Variants in GRIA3 observed in about 807,000 individuals in gnomAD.
The protein encoded by GRIA3 is glutamate ionotropic receptor AMPA type subunit 3, also known as glutamate receptor 3.
A neutral mutation model predicts 63.0 loss-of-function variants in GRIA3; 3 were observed. The observed-to-expected ratio is 0.05, with a 90% CI of 0.02 to 0.12. The LOEUF is 0.12. GRIA3 is among the 10% of genes least tolerant of loss of function. GRIA3 has a pLI of 1.00. For synonymous variants in GRIA3, 274 were observed against 257.9 expected, an observed-to-expected ratio of 1.06 and a Z score of -0.60; for missense variants, 347 against 700.9, an observed-to-expected ratio of 0.50 and a Z score of 5.70.
chrX:123,305,042 A>C (rs2147317920), intron 3 of GRIA3, among the ~76,000 whole-genome samples: 1 of 111,421 alleles, frequency 9.0e-6, no homozygotes, highest in South Asian at 3.8e-4. Flanking sequence ...TGAAAGTTCT[A>C]TAATGTTAAA....
At chrX:123,468,197 C>T (rs1316075339) in intron 13 of GRIA3, among the ~76,000 whole-genome samples, 2 of 111,190 alleles carry the variant, frequency 1.8e-5, no homozygotes, top group Non-Finnish European at 3.8e-5. Flanking sequence ...TTGTCTTCTT[C>T]CTTCTTGCTA....
chrX:123,444,667 G>T (rs191996693), intron 12 of GRIA3, among the ~76,000 whole-genome samples: 33 of 111,033 alleles, frequency 3.0e-4, no homozygotes, highest in Non-Finnish European at 5.5e-4. Context: ...CCCTCCTTTA[G>T]TATCTTTACC....
intron 2 of GRIA3, among the ~76,000 whole-genome samples, chrX:123,224,058 C>T (rs903746206): frequency 2.7e-5 from 3 of 111,928 alleles, no homozygotes; most frequent in African/African-American, 9.7e-5. Context: ...ACAGCCAAGT[C>T]CTGTGGTTAG....
At chrX:123,481,640 A>G (rs949001281) in intron 14 of GRIA3, among the ~76,000 whole-genome samples, 1 of 112,238 alleles carries the variant, frequency 8.9e-6, no homozygotes, top group African/African-American at 3.2e-5. Flanking sequence ...ATTCCATTCA[A>G]TTACATTCAG....
At chrX:123,282,609 A>G (rs2044592847) in intron 3 of GRIA3, among the ~76,000 whole-genome samples, 1 of 112,732 alleles carries the variant, frequency 8.9e-6, no homozygotes, top group Admixed American at 9.4e-5. Flanking sequence ...GTCTTTATTA[A>G]TAACGAAAAT....
chrX:123,325,392 C>A (rs1320200837), intron 3 of GRIA3, among the ~76,000 whole-genome samples: 4 of 111,620 alleles, frequency 3.6e-5, no homozygotes, highest in Non-Finnish European at 7.5e-5. Context: ...AAAAAGGAAC[C>A]AGGAATTCCT....
chrX:123,210,460 A>G (rs1454068341), intron 2 of GRIA3, among the ~76,000 whole-genome samples: 1 of 110,755 alleles, frequency 9.0e-6, no homozygotes, highest in African/African-American at 3.3e-5. Flanking sequence ...CTGACACTTC[A>G]CTTTCTTGAT....
chrX:123,475,080 A>G (rs1259387421), intron 13 of GRIA3, among the ~76,000 whole-genome samples: 1 of 112,547 alleles, frequency 8.9e-6, no homozygotes, highest in African/African-American at 3.2e-5. Context: ...ACACTCAGGA[A>G]TCATCACTGA....
chrX:123,254,962 G>T (rs1316083894), intron 3 of GRIA3, among the ~76,000 whole-genome samples: 3 of 111,589 alleles, frequency 2.7e-5, no homozygotes, highest in African/African-American at 9.8e-5. Flanking sequence ...TATATTATCA[G>T]TTAATTAGTC....
At chrX:123,329,224 C>T (rs1437738859) in intron 4 of GRIA3, among the ~76,000 whole-genome samples, 1 of 111,929 alleles carries the variant, frequency 8.9e-6, no homozygotes, top group Non-Finnish European at 1.9e-5. Flanking sequence ...GAGCCTGTTA[C>T]ACCACTATAA....
rs181281714 is a variant in GRIA3 at position 123,330,984 on chromosome X, T to C, written c.696+4771T>C. Among the ~76,000 whole-genome samples, 4 of 112,327 alleles carry C rather than the reference T, an allele frequency of 3.6e-5. No homozygotes were observed. The Admixed American group carries it at 3.8e-4, about 11-fold the overall frequency. On this transcript the variant is annotated intron_variant, in intron 4 of 15. Transcript: ENST00000620443. ...GACTTATTTAATAAATAGTATTTTC[T>C]AATTTGTCTATTCATTATATATCTA... is the stretch of plus-strand genomic sequence containing the variant.
At chrX:123,202,687 A>G (rs745910187) in intron 2 of GRIA3, 15 of 1,164,843 alleles carry the variant, frequency 1.3e-5, no homozygotes, top group Non-Finnish European at 1.7e-5. Flanking sequence ...AGGGAAAACA[A>G]TTGGACAGCT....
At chrX:123,466,547 T>C (rs978941695) in intron 13 of GRIA3, among the ~76,000 whole-genome samples, 1 of 111,960 alleles carries the variant, frequency 8.9e-6, no homozygotes, top group Admixed American at 9.5e-5. Context: ...AAACCCATCT[T>C]ACTTGGCATT....
chrX:123,474,288 G>A (rs958227016), intron 13 of GRIA3, among the ~76,000 whole-genome samples: 1 of 112,112 alleles, frequency 8.9e-6, no homozygotes, highest in African/African-American at 3.2e-5. Flanking sequence ...GCTACTATTT[G>A]CTATTTACTA....
At chrX:123,319,719 G>T (rs2044855283) in intron 3 of GRIA3, among the ~76,000 whole-genome samples, 1 of 108,035 alleles carries the variant, frequency 9.3e-6, no homozygotes, top group Admixed American at 1.0e-4. Flanking sequence ...TCTTGCCTCT[G>T]TGTCTTTATT....
At chrX:123,486,482 G>C (rs2147450046) in intron 15 of GRIA3, among the ~76,000 whole-genome samples, 1 of 111,864 alleles carries the variant, frequency 8.9e-6, no homozygotes, top group South Asian at 3.8e-4. Context: ...GTTGGGAAGA[G>C]CATCTGCAAA....
intron 2 of GRIA3, among the ~76,000 whole-genome samples, chrX:123,245,261 C>T (rs1348680006): frequency 9.0e-6 from 1 of 111,542 alleles, no homozygotes. Flanking sequence ...GGAGGATGGA[C>T]GTAGAGAAAT....
At chrX:123,296,770 A>G (rs1442735368) in intron 3 of GRIA3, among the ~76,000 whole-genome samples, 1 of 111,311 alleles carries the variant, frequency 9.0e-6, no homozygotes, top group Non-Finnish European at 1.9e-5. Context: ...TTGACAGTCC[A>G]CATGATAATG....
At chrX:123,345,361 A>G (rs1263766994) in intron 4 of GRIA3, among the ~76,000 whole-genome samples, 1 of 107,125 alleles carries the variant, frequency 9.3e-6, no homozygotes, top group Non-Finnish European at 1.9e-5. Context: ...CCTGTATTGG[A>G]AACACTGTGA....
Sources: gnomAD v4.1 joint callset for allele counts (sites outside exome capture counted in the v4.1 genomes callset) on GRCh38, gnomAD v4.1.1 for gene constraint, MANE v1.5 for transcripts, NCBI Gene and HGNC (gene_info 2026-07-23, HGNC 2026-07-21) for gene names.